OTOGL: variants seen among roughly 807,000 people sequenced by gnomAD.
OTOGL encodes otogelin-like protein.
Under a neutral mutation model 318.5 loss-of-function variants are expected in OTOGL, and 285 were observed. That is an observed-to-expected ratio of 0.89 (90% CI 0.81 to 0.99). OTOGL has a LOEUF of 0.99. Among genes scored for constraint, OTOGL ranks in the 50% least tolerant of loss-of-function variants. The probability of loss-of-function intolerance (pLI) is 0.00; values close to 1 mark genes in which losing one functional copy is unlikely to be tolerated. For synonymous variants in OTOGL, 987 were observed against 936.5 expected (o/e 1.05, Z -0.99); for missense variants, 2,899 against 2,845.6 (o/e 1.02, Z -0.43).
Position 80,352,449 on chromosome 12 carries a change from T to G in OTOGL, c.5407+13T>G, listed in dbSNP as rs371577790. 323 of 1,367,398 alleles carry G rather than the reference T, an allele frequency of 2.4e-4. 1 individual carries two copies. The highest frequency in any genetic ancestry group is 1.6e-3 in the Admixed American group (50 of 31,864). The allele number at this position is 1,367,398 out of a possible 1,614,324, so 84.7% of individuals were successfully genotyped here. A position where few individuals can be genotyped will look rare whatever the true frequency, so the allele number is the denominator to read the frequency against. ...CCTGATTACTGCTGTGAGTAACTGTTAACTGAATATTTTTCCATCATAAAT... is the reference window on the plus strand; with the variant it reads ...CCTGATTACTGCTGTGAGTAACTGTGAACTGAATATTTTTCCATCATAAAT... On this transcript the variant is annotated intron_variant, in intron 45 of 58. Coordinates refer to ENST00000547103, the MANE Select transcript of OTOGL (RefSeq NM_001378609.3).
At chr12:80,246,117 A>G (rs1003194490) in intron 11 of OTOGL, among the ~76,000 whole-genome samples, 1 of 151,618 alleles carries the variant, frequency 6.6e-6, no homozygotes, top group African/African-American at 2.4e-5. Context: ...AACAGGGACA[A>G]TTTTACTTCC....
intron 24 of OTOGL, among the ~76,000 whole-genome samples, chr12:80,277,071 A>G (rs1764924620): frequency 6.7e-6 from 1 of 149,988 alleles, no homozygotes; most frequent in African/African-American, 2.4e-5. Context: ...AAAGTTTTAT[A>G]CCTTATCTAT....
chr12:80,223,944 T>C (rs1396024336), intron 7 of OTOGL, among the ~76,000 whole-genome samples: 1 of 152,132 alleles, frequency 6.6e-6, no homozygotes, highest in Non-Finnish European at 1.5e-5. Flanking sequence ...TTAAGTCTTG[T>C]CTGTTTATAT....
intron 22 of OTOGL, among the ~76,000 whole-genome samples, chr12:80,268,207 C>T (rs36000166): frequency 0.035 from 5,389 of 152,158 alleles, 309 homozygotes; most frequent in African/African-American, 0.12. Context: ...TAATAATAGA[C>T]AGTAGATAAT....
chr12:80,320,504 G>C lies in OTOGL; in HGVS notation c.3885G>C (p.Glu1295Asp), dbSNP rs1408729126. ...YVHDNDTLSL[E>D]LWEANSAFHR... ...ATGACAATGATACTCTTAGCTTGGAGCTGTGGGAGGCGAATTCAGCCTTTC... is the reference window on the plus strand; with the variant it reads ...ATGACAATGATACTCTTAGCTTGGACCTGTGGGAGGCGAATTCAGCCTTTC... The change falls in exon 34 of 59, where the codon GAG (glutamate) becomes GAC (aspartate). Residue 1295 changes from glutamate to aspartate, a missense_variant. Transcript: ENST00000547103. 3 of 1,613,516 alleles carry C rather than the reference G, an allele frequency of 1.9e-6. No individual in the cohort carries two copies. Among genetic ancestry groups the C allele is most frequent in the East Asian group, 2.2e-5 (1 of 44,880 alleles).
intron 1 of OTOGL, among the ~76,000 whole-genome samples, chr12:80,120,942 C>A (rs965657135): frequency 2.0e-5 from 3 of 152,158 alleles, no homozygotes; most frequent in Non-Finnish European, 4.4e-5. Flanking sequence ...CCAAGAAATT[C>A]TTTTGGCTGA....
intron 7 of OTOGL, among the ~76,000 whole-genome samples, chr12:80,228,498 C>G (rs1879083230): frequency 6.6e-6 from 1 of 151,764 alleles, no homozygotes; most frequent in Non-Finnish European, 1.5e-5. Flanking sequence ...AAAACCAAAC[C>G]AAACAAAAAA....
At chr12:80,263,229 T>A (rs1160684981) in intron 19 of OTOGL, among the ~76,000 whole-genome samples, 3 of 152,152 alleles carry the variant, frequency 2.0e-5, no homozygotes, top group Non-Finnish European at 4.4e-5. Context: ...TAACAATACC[T>A]TCCTCCATTC....
intron 1 of OTOGL, among the ~76,000 whole-genome samples, chr12:80,174,879 G>A (rs1257047470): frequency 6.6e-6 from 1 of 151,890 alleles, no homozygotes; most frequent in Non-Finnish European, 1.5e-5. Context: ...TTACCATCGA[G>A]GTGCTGAACA....
At chr12:80,185,621 C>T (rs1875236129) in intron 1 of OTOGL, among the ~76,000 whole-genome samples, 5 of 152,086 alleles carry the variant, frequency 3.3e-5, no homozygotes, top group Admixed American at 3.3e-4. Flanking sequence ...GTTTCAGTGT[C>T]CTCATCTGTA....
chr12:80,267,277 G>A lies in OTOGL; in HGVS notation c.2415G>A (p.Arg805=). Residue 805 remains arginine (R), a synonymous_variant, in exon 22 of 59, where the codon AGG becomes AGA. Transcript: ENST00000547103. ...GATTCCACTGCCGTTGTCATTATAG[G>A]GGCAGTGTTTATCAACCTGGAGAGC... is the stretch of plus-strand genomic sequence containing the variant. ...VPIFHCRCHY[R]GSVYQPGELI... 1.3e-6 allele frequency: 2 copies of A among 1,562,744 alleles called. No homozygotes were observed. Among genetic ancestry groups the A allele is most frequent in the Non-Finnish European group, 1.8e-6 (2 of 1,142,732 alleles).
At chr12:80,180,769 G>T (rs370527826) in intron 1 of OTOGL, among the ~76,000 whole-genome samples, 2 of 152,238 alleles carry the variant, frequency 1.3e-5, no homozygotes, top group Non-Finnish European at 2.9e-5. Flanking sequence ...TGTCAAGGAG[G>T]GGGTAGTTTA....
intron 1 of OTOGL, among the ~76,000 whole-genome samples, chr12:80,186,884 T>C (rs1875333049): frequency 6.6e-6 from 1 of 152,176 alleles, no homozygotes; most frequent in Non-Finnish European, 1.5e-5. Flanking sequence ...TAGGAAATGA[T>C]GCTGAATGAC....
rs149359988 is a variant in OTOGL at position 80,193,489 on chromosome 12, C to A, written c.-19-15924C>A. 5.5e-3 allele frequency among the ~76,000 whole-genome samples: 843 copies of A among 152,162 alleles called. 10 individuals are homozygous for A. The highest frequency in any genetic ancestry group is 0.019 in the African/African-American group (795 of 41,518). On this transcript the variant is annotated intron_variant, in intron 1 of 58. Coordinates refer to ENST00000547103, the MANE Select transcript of OTOGL (RefSeq NM_001378609.3). Reference sequence around the variant, plus strand: ...CAAGATTGTGCCACTGCACTCCACCCTGGGTGTCAGAGTGAGACTTCATCT... The same window carrying A: ...CAAGATTGTGCCACTGCACTCCACCATGGGTGTCAGAGTGAGACTTCATCT...
chr12:80,209,494 G>C lies in OTOGL; in HGVS notation c.63G>C (p.Leu21=). The C allele has an allele frequency of 6.7e-7, 1 of 1,493,304 alleles. No homozygotes were observed. The highest frequency in any genetic ancestry group is 2.5e-5 in the East Asian group (1 of 40,488). The allele number at this position is 1,493,304 out of a possible 1,614,324, so 92.5% of individuals were successfully genotyped here. A position where few individuals can be genotyped will look rare whatever the true frequency, so the allele number is the denominator to read the frequency against. Residue 21 remains leucine (L), a synonymous_variant, in exon 2 of 59, where the codon CTG becomes CTC. Coordinates refer to ENST00000547103, the MANE Select transcript of OTOGL (RefSeq NM_001378609.3). ...IPWSIFLLHV[L]LFSLQEYICA... ...GGAGTATATTCTTGCTTCATGTACT[G>C]CTGTTTTCATTACAAGGTAAGAACT...
intron 1 of OTOGL, among the ~76,000 whole-genome samples, chr12:80,202,917 A>T (rs1383031668): frequency 6.6e-6 from 1 of 152,134 alleles, no homozygotes; most frequent in Non-Finnish European, 1.5e-5. Flanking sequence ...AATAGTTGCC[A>T]TCTCCACTTC....
intron 8 of OTOGL, among the ~76,000 whole-genome samples, chr12:80,230,234 A>G (rs905378879): frequency 6.6e-5 from 10 of 152,156 alleles, no homozygotes; most frequent in Non-Finnish European, 8.8e-5. Flanking sequence ...TAGATTCCTC[A>G]AAAGGCAGCA....
At chr12:80,351,924 C>G (rs1889576940) in intron 44 of OTOGL, among the ~76,000 whole-genome samples, 1 of 152,096 alleles carries the variant, frequency 6.6e-6, no homozygotes. Context: ...ATGCTGTATA[C>G]CATTAGAGAA....
intron 28 of OTOGL, 21 bp from the exon 29 acceptor site, chr12:80,305,554 TG>T: frequency 1.3e-6 from 2 of 1,501,320 alleles, no homozygotes; most frequent in Non-Finnish European, 1.8e-6. Flanking sequence ...GAATATTTCC[TG>T]GTGATTTTCT....
Sources: allele counts gnomAD v4.1 joint callset (sites outside exome capture counted in the v4.1 genomes callset), GRCh38; gene constraint gnomAD v4.1.1; transcripts MANE v1.5; gene names NCBI Gene and HGNC (gene_info 2026-07-23, HGNC 2026-07-21).